Variants in RSRP1 observed in about 807,000 individuals in gnomAD.
RSRP1 encodes arginine/serine-rich protein 1.
RSRP1 carries 37 observed loss-of-function variants against 33.0 expected under a neutral mutation model. The observed-to-expected ratio is 1.12, with a 90% CI of 0.86 to 1.48. The LOEUF (loss-of-function observed/expected upper bound fraction) is 1.48. RSRP1 is among the 40% of genes most tolerant of loss of function. The pLI is 0.00. For synonymous variants in RSRP1, 167 were observed against 158.7 expected (o/e 1.05, Z -0.40); for missense variants, 402 against 385.3 (o/e 1.04, Z -0.36).
chr1:25,252,194 GCAGGGATTACAGGCA>G (rs1639806237), upstream of RSRP1, among the ~76,000 whole-genome samples: 1 of 151,678 alleles, frequency 6.6e-6, no homozygotes, highest in Admixed American at 6.6e-5. Context: ...CTCCCAAGTA[GCAGGGATTACAGGCA>G]CATGCACCAC....
chr1:25,307,733 G>C (rs1643925218), intron 1 of RSRP1: 1 of 1,308,196 alleles, frequency 7.6e-7, no homozygotes, highest in Admixed American at 2.1e-5. Context: ...AGAAATCATG[G>C]AGGCGCTGCG....
rs1643935049 is a variant in RSRP1, at chr1:25,307,873, C to CT, written c.-67+30104dup. 3 of 1,267,666 alleles carry CT rather than the reference C, an allele frequency of 2.4e-6. No homozygotes were observed. In the East Asian group the frequency reaches 7.4e-5, roughly 31 times the overall value. 78.5% of individuals were successfully genotyped at this position (1,267,666 alleles called of 1,614,324 possible). On this transcript the variant is annotated intron_variant, in intron 1 of 1. Transcript: ENST00000561867. ...ATGAGCTGTGTGAAGCAAGGCGCCT[C>CT]TGTGATGGGTTCCAGTGATGTGTCT...
At chr1:25,308,696 C>T (rs1460114572) in intron 1 of RSRP1, among the ~76,000 whole-genome samples, 4 of 129,602 alleles carry the variant, frequency 3.1e-5, no homozygotes, top group African/African-American at 1.1e-4. Flanking sequence ...TGCAAGTCAA[C>T]TCTCATCAGG....
Position 25,330,076 on chromosome 1 carries a change from A to G in RSRP1, c.-67+7902T>C, listed in dbSNP as rs1195040391. On this transcript the variant is annotated intron_variant, in intron 1 of 1. Coordinates refer to the RSRP1 transcript ENST00000561867. ...GGGAGAACCTGGTTGCAGGACAAAC[A>G]GACGGACAGCGTGTGGCAGTGTTTA... 1.5e-5 allele frequency: 2 copies of G among 132,910 alleles called. 1 individual carries two copies. The highest frequency in any genetic ancestry group is 3.6e-5 in the Non-Finnish European group (2 of 56,052). 8.2% of individuals were successfully genotyped at this position (132,910 alleles called of 1,614,324 possible).
At position 25,290,984 on chromosome 1, in the gene RSRP1, A is replaced by G. The variant is rs1357056679; in HGVS notation, c.-66-43955T>C. ...CATAGCAAGATCCTCATCTCTAAAA[A>G]GTAATTTTTTCTAAATTATCCAGTT... On this transcript the variant is annotated intron_variant, in intron 1 of 1. Coordinates refer to the RSRP1 transcript ENST00000561867. 1.5e-5 allele frequency among the ~76,000 whole-genome samples: 2 copies of G among 131,240 alleles called. 1 individual carries two copies. The highest frequency in any genetic ancestry group is 3.6e-5 in the Non-Finnish European group (2 of 55,458). The allele number at this position is 131,240 out of a possible 152,430, so 86.1% of individuals were successfully genotyped here.
Position 25,310,503 on chromosome 1 carries a change from A to C in RSRP1, c.-67+27475T>G, listed in dbSNP as rs1349451008. Among the ~76,000 whole-genome samples, 4 of 131,486 alleles carry C rather than the reference A, an allele frequency of 3.0e-5. 2 individuals are homozygous for C. The highest frequency in any genetic ancestry group is 5.1e-5 in the African/African-American group (2 of 38,974). 86.3% of individuals were successfully genotyped at this position (131,486 alleles called of 152,430 possible). A position where few individuals can be genotyped will look rare whatever the true frequency, so the allele number is the denominator to read the frequency against. Reference sequence around the variant, plus strand: ...CAATTTATTTTCTTTATAATCACCCAGTTTGATATTTTGTCATAGCAACAG... The same window carrying C: ...CAATTTATTTTCTTTATAATCACCCCGTTTGATATTTTGTCATAGCAACAG... On this transcript the variant is annotated intron_variant, in intron 1 of 1. Coordinates refer to the RSRP1 transcript ENST00000561867.
At chr1:25,249,945 G>A (rs1027372980), upstream of RSRP1, among the ~76,000 whole-genome samples, 1 of 152,128 alleles carries the variant, frequency 6.6e-6, no homozygotes, top group Non-Finnish European at 1.5e-5. Flanking sequence ...TTGTAACCAA[G>A]CGAGATAGAG....
At chr1:25,315,204 T>C (rs1644376416) in intron 1 of RSRP1, among the ~76,000 whole-genome samples, 1 of 130,154 alleles carries the variant, frequency 7.7e-6, no homozygotes, top group African/African-American at 2.6e-5. Flanking sequence ...CTGATTTTTT[T>C]CCTAAAAATC....
intron 1 of RSRP1, among the ~76,000 whole-genome samples, chr1:25,311,555 T>G (rs1644150394): frequency 7.7e-6 from 1 of 129,316 alleles, no homozygotes; most frequent in South Asian, 2.4e-4. Flanking sequence ...GAAAGAAAAT[T>G]AGTACACATA....
chr1:25,307,226 T>A (rs1643897750), intron 1 of RSRP1, among the ~76,000 whole-genome samples: 1 of 131,828 alleles, frequency 7.6e-6, no homozygotes, highest in East Asian at 1.9e-4. Flanking sequence ...GCACAACCCA[T>A]CCCTGAGGCC....
intron 1 of RSRP1, among the ~76,000 whole-genome samples, chr1:25,275,654 G>GA (rs1476443538): frequency 7.5e-6 from 1 of 133,080 alleles, no homozygotes; most frequent in African/African-American, 2.6e-5. Context: ...TACAAATTAG[G>GA]AAAATTGAAA....
intron 1 of RSRP1, among the ~76,000 whole-genome samples, chr1:25,279,147 C>G (rs1319530738): frequency 8.0e-6 from 1 of 125,704 alleles, no homozygotes; most frequent in East Asian, 2.0e-4. Flanking sequence ...TCCAAACGAA[C>G]TCTTTGCAAG....
chr1:25,257,245 T>G (rs1362326614), intron 1 of RSRP1, among the ~76,000 whole-genome samples: 1 of 152,218 alleles, frequency 6.6e-6, no homozygotes, highest in Non-Finnish European at 1.5e-5. Flanking sequence ...TTTTTAGCAT[T>G]TATCACGCTT....
intron 1 of RSRP1, among the ~76,000 whole-genome samples, chr1:25,286,654 T>C (rs188557211): frequency 0.02 from 2,674 of 133,420 alleles, 376 homozygotes; most frequent in African/African-American, 0.064. Context: ...GGCGTGGTGG[T>C]GGGCGCCTGT....
chr1:25,242,773 C>G, intron 4 of RSRP1, 68 bp from the exon 5 acceptor site: 1 of 1,100,016 alleles, frequency 9.1e-7, no homozygotes, highest in South Asian at 1.3e-5. Context: ...AAAAAAAGTA[C>G]ATTAAATAAT....
At chr1:25,247,688 C>T (rs1338079364), upstream of RSRP1, 1 of 152,272 alleles carries the variant, frequency 6.6e-6, no homozygotes, top group Non-Finnish European at 1.5e-5. Context: ...TGGCTTCCCC[C>T]CTGATCTGAG....
In RSRP1 at chr1:25,290,769, T is replaced by G. The variant is rs150408708; in HGVS notation, c.-66-43740A>C. 3 of 1,376,884 alleles carry G rather than the reference T, an allele frequency of 2.2e-6. No individual in the cohort carries two copies. The African/African-American group carries it at 4.3e-5, about 20-fold the overall frequency. 85.3% of individuals were successfully genotyped at this position (1,376,884 alleles called of 1,614,324 possible). A position where few individuals can be genotyped will look rare whatever the true frequency, so the allele number is the denominator to read the frequency against. On this transcript the variant is annotated intron_variant, in intron 1 of 1. Transcript: ENST00000561867. ...GTGACAGCTTTAGGCAACCTGAGGA[T>G]GGTCATCAGTAATATCTTCAACGTG...
At chr1:25,290,519 C>T in intron 1 of RSRP1, 2 of 908,222 alleles carry the variant, frequency 2.2e-6, no homozygotes, top group South Asian at 2.9e-5. Flanking sequence ...TCTTCTATTC[C>T]CACAGAAAGT....
At chr1:25,303,777 C>A (rs1391410429) in intron 1 of RSRP1, among the ~76,000 whole-genome samples, 2 of 131,248 alleles carry the variant, frequency 1.5e-5, no homozygotes, top group Admixed American at 1.5e-4. Flanking sequence ...TTACTTCTTT[C>A]TTTGCTTTTC....
Sources: allele counts gnomAD v4.1 joint callset (sites outside exome capture counted in the v4.1 genomes callset), GRCh38; gene constraint gnomAD v4.1.1; transcripts MANE v1.5; gene names NCBI Gene and HGNC (gene_info 2026-07-23, HGNC 2026-07-21).